The following KCNB2 variants were observed in gnomAD, a reference collection of about 807,000 sequenced individuals.
KCNB2 encodes the protein delayed rectifier potassium channel protein.
KCNB2 carries 15 observed loss-of-function variants against 61.5 expected under a neutral mutation model. The ratio of observed to expected loss-of-function variants is 0.24; its 90% confidence interval spans 0.16 to 0.38. The LOEUF (loss-of-function observed/expected upper bound fraction) is 0.38, where lower values mean the gene tolerates loss of function less well. Among genes scored for constraint, KCNB2 ranks in the 10% least tolerant of loss-of-function variants. The pLI, the probability that KCNB2 is intolerant of heterozygous loss-of-function variation, is 1.00. For synonymous variants in KCNB2, 457 were observed against 446.0 expected, an observed-to-expected ratio of 1.02 and a Z score of -0.31; for missense variants, 828 against 1,125.2, an observed-to-expected ratio of 0.74 and a Z score of 3.78.
chr8:72,644,330 T>C (rs1192757568), intron 2 of KCNB2, among the ~76,000 whole-genome samples: 2 of 151,984 alleles, frequency 1.3e-5, no homozygotes, highest in Non-Finnish European at 2.9e-5. Flanking sequence ...TGCTGCTGAG[T>C]GATATTAGCT....
At chr8:72,840,318 T>C (rs10090571) in intron 2 of KCNB2, among the ~76,000 whole-genome samples, 129,793 of 152,182 alleles carry the variant, frequency 0.85, 56,316 homozygotes, top group Middle Eastern at 0.97. Context: ...CATTGATAGG[T>C]ATTTGGATTG....
chr8:72,916,722 AAGTGG>A (rs1806408423), intron 2 of KCNB2, among the ~76,000 whole-genome samples: 1 of 152,176 alleles, frequency 6.6e-6, no homozygotes, highest in South Asian at 2.1e-4. Flanking sequence ...TTGTTAATGA[AAGTGG>A]CTCTCAGCAG....
intron 2 of KCNB2, among the ~76,000 whole-genome samples, chr8:72,886,260 G>C (rs7822203): frequency 0.015 from 2,221 of 152,170 alleles, 53 homozygotes; most frequent in African/African-American, 0.05. Flanking sequence ...CTGTTACTCC[G>C]ATCTGCATTG....
chr8:72,762,908 G>A (rs1035299545), intron 2 of KCNB2, among the ~76,000 whole-genome samples: 1 of 137,614 alleles, frequency 7.3e-6, no homozygotes, highest in Non-Finnish European at 1.6e-5. Context: ...TATATATAGT[G>A]TGCAAATACT....
At chr8:72,868,592 A>C (rs1386751676) in intron 2 of KCNB2, among the ~76,000 whole-genome samples, 1 of 151,576 alleles carries the variant, frequency 6.6e-6, no homozygotes, top group Non-Finnish European at 1.5e-5. Context: ...CAAAACAAAC[A>C]AAAAAAACCC....
intron 2 of KCNB2, among the ~76,000 whole-genome samples, chr8:72,842,038 A>T (rs1809899698): frequency 3.9e-5 from 6 of 152,204 alleles, no homozygotes; most frequent in African/African-American, 2.4e-5. Flanking sequence ...GCTTTTGCCC[A>T]TTCAGTATGA....
At chr8:72,733,704 C>A (rs1807789343) in intron 2 of KCNB2, among the ~76,000 whole-genome samples, 1 of 152,110 alleles carries the variant, frequency 6.6e-6, no homozygotes, top group Admixed American at 6.6e-5. Context: ...GTCGTTAGGA[C>A]AGCAAGGAAG....
intron 2 of KCNB2, among the ~76,000 whole-genome samples, chr8:72,777,241 A>G (rs142230840): frequency 2.0e-5 from 3 of 152,324 alleles, no homozygotes; most frequent in Admixed American, 6.5e-5. Context: ...AATATTGTCA[A>G]TTTGTTGTGA....
intron 2 of KCNB2, among the ~76,000 whole-genome samples, chr8:72,663,881 C>T: frequency 6.6e-6 from 1 of 152,162 alleles, no homozygotes; most frequent in Non-Finnish European, 1.5e-5. Flanking sequence ...CTTCCAAAAA[C>T]CAACTGCAGT....
intron 2 of KCNB2, among the ~76,000 whole-genome samples, chr8:72,739,298 G>A (rs755168028): frequency 4.6e-5 from 7 of 150,888 alleles, no homozygotes; most frequent in Non-Finnish European, 1.0e-4. Context: ...TATGTGCCAC[G>A]GTTTCACATT....
At chr8:72,669,385 A>G (rs751292281) in intron 2 of KCNB2, among the ~76,000 whole-genome samples, 27 of 152,230 alleles carry the variant, frequency 1.8e-4, no homozygotes, top group Non-Finnish European at 2.9e-4. Flanking sequence ...TTTGACTAAT[A>G]TATTTAACTA....
chr8:72,651,255 T>C (rs540931760), intron 2 of KCNB2, among the ~76,000 whole-genome samples: 11 of 152,264 alleles, frequency 7.2e-5, no homozygotes, highest in Admixed American at 1.3e-4. Flanking sequence ...TTTATTAATA[T>C]CCAATTTGAC....
chr8:72,781,406 G>T (rs934106323), intron 2 of KCNB2, among the ~76,000 whole-genome samples: 3 of 152,152 alleles, frequency 2.0e-5, no homozygotes, highest in Admixed American at 6.6e-5. Context: ...GTATAAGGAA[G>T]GGGTCCAGTT....
intron 2 of KCNB2, among the ~76,000 whole-genome samples, chr8:72,904,719 T>A (rs969212824): frequency 2.0e-5 from 3 of 152,162 alleles, no homozygotes; most frequent in Non-Finnish European, 2.9e-5. Flanking sequence ...TTTATTTTTT[T>A]AAATGTTTCT....
At chr8:72,642,335 T>C (rs1364405010) in intron 2 of KCNB2, among the ~76,000 whole-genome samples, 1 of 152,172 alleles carries the variant, frequency 6.6e-6, no homozygotes, top group Non-Finnish European at 1.5e-5. Flanking sequence ...ACTTATTTGT[T>C]TTTACTTTTT....
chr8:72,815,468 T>C (rs954674218), intron 2 of KCNB2, among the ~76,000 whole-genome samples: 9 of 152,208 alleles, frequency 5.9e-5, no homozygotes, highest in Admixed American at 4.6e-4. Flanking sequence ...TTTGTCTTCA[T>C]TCCCCATAGA....
At chr8:72,756,625 C>T (rs555887653) in intron 2 of KCNB2, among the ~76,000 whole-genome samples, 4 of 152,246 alleles carry the variant, frequency 2.6e-5, no homozygotes, top group South Asian at 2.1e-4. Flanking sequence ...AAAAAGCCAC[C>T]GATTTAATCG....
intron 1 of KCNB2, among the ~76,000 whole-genome samples, chr8:72,557,463 A>T (rs1038956793): frequency 1.3e-5 from 2 of 152,236 alleles, no homozygotes; most frequent in Admixed American, 1.3e-4. Context: ...CCCTCACCAG[A>T]CATGAAATAT....
intron 2 of KCNB2, among the ~76,000 whole-genome samples, chr8:72,931,790 T>C (rs1806790208): frequency 6.6e-6 from 1 of 152,216 alleles, no homozygotes; most frequent in East Asian, 1.9e-4. Context: ...GGTGGGTGAA[T>C]CAACTTGAGG....
Sources: gnomAD v4.1 joint callset for allele counts (sites outside exome capture counted in the v4.1 genomes callset) on GRCh38, gnomAD v4.1.1 for gene constraint, MANE v1.5 for transcripts, NCBI Gene and HGNC (gene_info 2026-07-23, HGNC 2026-07-21) for gene names.